Variants in HPSE2 observed in about 807,000 individuals in gnomAD.
HPSE2 encodes heparanase 2 (inactive).
In HPSE2, 38 loss-of-function variants were observed where a neutral mutation model predicts 60.5. That is an observed-to-expected ratio of 0.63 (90% CI 0.48 to 0.82). HPSE2 has a LOEUF of 0.82. Ranked by LOEUF, HPSE2 falls within the 40% of genes least tolerant of loss-of-function variation. The pLI is 0.00. For synonymous variants in HPSE2, 295 were observed against 293.2 expected (o/e 1.01, Z -0.06); for missense variants, 713 against 740.4 (o/e 0.96, Z 0.43).
chr10:98,618,571 T>C (rs370337364), intron 8 of HPSE2, among the ~76,000 whole-genome samples: 2 of 151,868 alleles, frequency 1.3e-5, no homozygotes, highest in East Asian at 1.9e-4. Flanking sequence ...GGAGTGTACT[T>C]TTGTGGGGTT....
chr10:99,170,442 G>A (rs1847264565), intron 2 of HPSE2, among the ~76,000 whole-genome samples: 1 of 152,148 alleles, frequency 6.6e-6, no homozygotes, highest in Non-Finnish European at 1.5e-5. Context: ...TCTCCAGAAT[G>A]TTCATGAAAA....
intron 9 of HPSE2, among the ~76,000 whole-genome samples, chr10:98,578,204 A>G (rs1394169614): frequency 1.3e-5 from 2 of 152,162 alleles, no homozygotes; most frequent in African/African-American, 2.4e-5. Flanking sequence ...AATTTTTTTC[A>G]CTGTTGCTGT....
chr10:98,942,326 A>C (rs1955033499), intron 3 of HPSE2, among the ~76,000 whole-genome samples: 1 of 143,606 alleles, frequency 7.0e-6, no homozygotes, highest in Non-Finnish European at 1.5e-5. Flanking sequence ...TTCGCAACCT[A>C]CTCATCTGAC....
chr10:98,765,152 C>T (rs938534627), intron 3 of HPSE2, among the ~76,000 whole-genome samples: 3 of 152,168 alleles, frequency 2.0e-5, no homozygotes, highest in Non-Finnish European at 4.4e-5. Flanking sequence ...ACAATACTAT[C>T]AACCTACTTA....
chr10:99,295,019 G>A, the HPSE2 span, among the ~76,000 whole-genome samples: 12 of 152,110 alleles, frequency 7.9e-5, no homozygotes, highest in African/African-American at 2.9e-4. Flanking sequence ...CTATAGCCTC[G>A]CAAAAATCTA....
At chr10:98,769,023 C>A (rs186736080) in intron 3 of HPSE2, among the ~76,000 whole-genome samples, 2 of 152,208 alleles carry the variant, frequency 1.3e-5, no homozygotes, top group Non-Finnish European at 2.9e-5. Context: ...CTCCAGCCTG[C>A]ATGACAGAGC....
In HPSE2 at chr10:98,942,166, A is replaced by G. The variant is rs1040364787; in HGVS notation, c.611-198110T>C. 9.5e-4 allele frequency among the ~76,000 whole-genome samples: 132 copies of G among 138,780 alleles called. 16 individuals are homozygous for G. The highest frequency in any genetic ancestry group is 3.7e-3 in the African/African-American group (124 of 33,846). The allele number at this position is 138,780 out of a possible 152,430, so 91.0% of individuals were successfully genotyped here. The stretch of plus-strand genomic sequence containing the variant: ...AGGCATTACCATTCAGGACATAGGC[A>G]TGGGCAAGGACTTCATGTCTAAAAC... On this transcript the variant is annotated intron_variant, in intron 3 of 11. Coordinates refer to ENST00000370552, the MANE Select transcript of HPSE2 (RefSeq NM_021828.5).
chr10:99,313,592 ATTTTTTTTTTTTTTT>A, the HPSE2 span, among the ~76,000 whole-genome samples: 1 of 84,622 alleles, frequency 1.2e-5, no homozygotes, highest in Admixed American at 1.8e-4. Flanking sequence ...ACTGACTCCA[ATTTTTTTTTTTTTTT>A]TTTTTTTTTT....
the HPSE2 span, among the ~76,000 whole-genome samples, chr10:99,250,336 A>C: frequency 6.6e-6 from 1 of 152,146 alleles, no homozygotes; most frequent in African/African-American, 2.4e-5. Flanking sequence ...ACCCAGTTTC[A>C]GATATTTCTT....
chr10:99,244,689 C>T, the HPSE2 span, among the ~76,000 whole-genome samples: 3 of 147,460 alleles, frequency 2.0e-5, no homozygotes, highest in Admixed American at 1.4e-4. Context: ...TGACTACAGG[C>T]ATGAGACTTT....
At chr10:99,222,160 G>A (rs1462632928) in intron 2 of HPSE2, among the ~76,000 whole-genome samples, 2 of 152,000 alleles carry the variant, frequency 1.3e-5, no homozygotes, top group Non-Finnish European at 2.9e-5. Flanking sequence ...AGCTGACTTG[G>A]TAGAGGAATG....
chr10:98,995,434 C>T (rs569631796), intron 3 of HPSE2, among the ~76,000 whole-genome samples: 44 of 152,128 alleles, frequency 2.9e-4, no homozygotes, highest in African/African-American at 8.9e-4. Context: ...AATATTAGGC[C>T]CATTCCTGAT....
At chr10:98,529,934 C>T (rs1486890587) in intron 9 of HPSE2, among the ~76,000 whole-genome samples, 1 of 152,196 alleles carries the variant, frequency 6.6e-6, no homozygotes, top group Non-Finnish European at 1.5e-5. Context: ...ATATCTTCAG[C>T]CATGGTATTG....
At chr10:99,220,983 T>C (rs893376792) in intron 2 of HPSE2, among the ~76,000 whole-genome samples, 1 of 151,146 alleles carries the variant, frequency 6.6e-6, no homozygotes, top group African/African-American at 2.4e-5. Flanking sequence ...TAGCTGGGAT[T>C]ACAGGTGCCC....
rs569528105 is a variant in HPSE2, at chr10:99,076,474, G to A, written c.610+67764C>T. On this transcript the variant is annotated intron_variant, in intron 3 of 11. Coordinates refer to ENST00000370552, the MANE Select transcript of HPSE2 (RefSeq NM_021828.5). ...GTGATCTCAGCTCACTACAACTTCTGCCTTCTGTGCTCAAGCAATTCTGGT... is the reference window on the plus strand; with the variant it reads ...GTGATCTCAGCTCACTACAACTTCTACCTTCTGTGCTCAAGCAATTCTGGT... 2.0e-5 allele frequency among the ~76,000 whole-genome samples: 3 copies of A among 152,218 alleles called. No homozygotes were observed. In the East Asian group the frequency reaches 5.8e-4, roughly 29 times the overall value.
chr10:98,460,929 G>A (rs1940260527), intron 11 of HPSE2, among the ~76,000 whole-genome samples: 1 of 152,242 alleles, frequency 6.6e-6, no homozygotes, highest in Admixed American at 6.5e-5. Context: ...TTATGGGTCA[G>A]CAGAAAAGGC....
intron 3 of HPSE2, among the ~76,000 whole-genome samples, chr10:98,882,648 A>C (rs1353523541): frequency 1.3e-5 from 2 of 152,106 alleles, no homozygotes; most frequent in Non-Finnish European, 2.9e-5. Flanking sequence ...AGAGCAAGTC[A>C]TTTGGCTAAA....
chr10:98,841,122 G>T (rs1342300851), intron 3 of HPSE2, among the ~76,000 whole-genome samples: 1 of 152,070 alleles, frequency 6.6e-6, no homozygotes, highest in South Asian at 2.1e-4. Flanking sequence ...GCTAAGCCTG[G>T]TAGTGCAGGC....
intron 4 of HPSE2, among the ~76,000 whole-genome samples, chr10:98,728,963 T>C (rs10883178): frequency 0.15 from 22,275 of 152,062 alleles, 1,970 homozygotes; most frequent in Admixed American, 0.23. Context: ...TGGCTGTAGT[T>C]GTACCACTGC....
Sources: gnomAD v4.1 joint callset for allele counts (sites outside exome capture counted in the v4.1 genomes callset) on GRCh38, gnomAD v4.1.1 for gene constraint, MANE v1.5 for transcripts, NCBI Gene and HGNC (gene_info 2026-07-23, HGNC 2026-07-21) for gene names.